The following USH1C variants were observed in gnomAD, a reference collection of about 807,000 sequenced individuals.
USH1C encodes USH1 protein network component harmonin.
In USH1C, 90 loss-of-function variants were observed where a neutral mutation model predicts 119.3. The observed-to-expected ratio is 0.75, with a 90% confidence interval of 0.64 to 0.90. The LOEUF (loss-of-function observed/expected upper bound fraction) is 0.90, where lower values mean the gene tolerates loss of function less well. Ranked by LOEUF, USH1C falls within the 40% of genes least tolerant of loss-of-function variation. USH1C has a pLI of 0.00. For missense variants in USH1C, 1,165 were observed against 1,167.7 expected (o/e 1.00, Z 0.03); for synonymous variants, 465 against 443.3 (o/e 1.05, Z -0.62).
Position 17,510,387 on chromosome 11 carries a change from A to G in USH1C, c.1530+18T>C. The G allele has an allele frequency of 1.2e-6, 2 of 1,601,834 alleles. No individual in the cohort carries two copies. Among genetic ancestry groups the G allele is most frequent in the Non-Finnish European group, 1.7e-6 (2 of 1,170,942 alleles). The stretch of plus-strand genomic sequence containing the variant: ...GAAGACAGCAGGAGGGTCTATGTGG[A>G]AAGAAGGGCTCTGTTACCTCTGAAA... On this transcript the variant is annotated intron_variant, in intron 17 of 26. Transcript: ENST00000005226.
At chr11:17,510,057 A>C (rs1849821644) in intron 17 of USH1C, among the ~76,000 whole-genome samples, 1 of 152,178 alleles carries the variant, frequency 6.6e-6, no homozygotes, top group African/African-American at 2.4e-5. Context: ...AAGAGCCCCA[A>C]GTTATGCCAT....
chr11:17,526,228 A>G (rs897199128), intron 8 of USH1C, 119 bp downstream of exon 8: 3 of 813,064 alleles, frequency 3.7e-6, no homozygotes, highest in African/African-American at 3.4e-5. Context: ...TCACCCATGG[A>G]CAGTCACACC....
intron 7 of USH1C, 117 bp downstream of exon 7, chr11:17,526,636 G>A: frequency 7.9e-7 from 1 of 1,268,674 alleles, no homozygotes; most frequent in Non-Finnish European, 1.1e-6. Context: ...GCTGCCCTGG[G>A]AGCCTGTGTG....
chr11:17,498,138 A>G (rs374294753), intron 24 of USH1C, 24 bp downstream of exon 24: 1 of 1,605,738 alleles, frequency 6.2e-7, no homozygotes, highest in African/African-American at 1.3e-5. Context: ...GAGGGAGGAA[A>G]GGAGGGAGGG....
intron 1 of USH1C, among the ~76,000 whole-genome samples, chr11:17,534,735 G>A (rs1160718569): frequency 1.3e-5 from 2 of 152,108 alleles, no homozygotes; most frequent in African/African-American, 4.8e-5. Context: ...TTAGCTGGGC[G>A]TAGTGGTATG....
At chr11:17,540,784 C>A (rs1295958041) in intron 1 of USH1C, among the ~76,000 whole-genome samples, 1 of 152,184 alleles carries the variant, frequency 6.6e-6, no homozygotes, top group Non-Finnish European at 1.5e-5. Flanking sequence ...TGCCTCTGGC[C>A]TGGGCTCCTG....
At position 17,509,803 on chromosome 11, in the gene USH1C, C is replaced by T. The variant is rs543567711; in HGVS notation, c.1566G>A (p.Val522=). ...GTCTCAAGGGTGGGGCCAGGGGAGA[C>T]ACAGAAGGCGGGGGAGGCGGGGGCC... The part of the protein sequence containing the change: ...TTGPPPPPPS[V]SPLAPPLRRF... The change falls in exon 18 of 27, where the codon GTG becomes GTA. Residue 522 remains valine (V), a synonymous_variant. Transcript: ENST00000005226. The T allele has an allele frequency of 1.9e-6, 3 of 1,585,614 alleles. No homozygotes were observed. The highest frequency in any genetic ancestry group is 2.2e-5 in the South Asian group (2 of 89,056).
intron 12 of USH1C, among the ~76,000 whole-genome samples, chr11:17,521,979 C>A (rs1232974104): frequency 6.6e-6 from 1 of 152,074 alleles, no homozygotes; most frequent in African/African-American, 2.4e-5. Context: ...CAGTCGCATG[C>A]CACTATGCCC....
At chr11:17,523,685 A>G (rs1850529716) in intron 9 of USH1C, among the ~76,000 whole-genome samples, 1 of 152,188 alleles carries the variant, frequency 6.6e-6, no homozygotes, top group Admixed American at 6.5e-5. Flanking sequence ...CCTACTTCAT[A>G]ACTATCTTAT....
chr11:17,523,182 G>A, intron 11 of USH1C, 29 bp downstream of exon 11: 1 of 1,613,976 alleles, frequency 6.2e-7, no homozygotes, highest in Non-Finnish European at 8.5e-7. Flanking sequence ...GAAGGTCAAG[G>A]GGCTCCCACC....
chr11:17,524,603 A>C, intron 8 of USH1C, 68 bp from the exon 9 acceptor site: 2 of 1,521,150 alleles, frequency 1.3e-6, no homozygotes, highest in Non-Finnish European at 1.8e-6. Context: ...GATACAGGTC[A>C]CTCATGAGCT....
intron 20 of USH1C, among the ~76,000 whole-genome samples, 163 bp downstream of exon 20, chr11:17,504,484 C>T (rs1849564103): frequency 6.6e-6 from 1 of 152,204 alleles, no homozygotes; most frequent in Non-Finnish European, 1.5e-5. Context: ...TCCTCCCCCA[C>T]CCCTGCGCAG....
At chr11:17,538,554 G>T (rs990791152) in intron 1 of USH1C, among the ~76,000 whole-genome samples, 1 of 152,200 alleles carries the variant, frequency 6.6e-6, no homozygotes, top group East Asian at 1.9e-4. Context: ...TCTTTGGGCT[G>T]TTGCGGGGAT....
At chr11:17,503,787 A>G (rs12287484) in intron 20 of USH1C, among the ~76,000 whole-genome samples, 4,558 of 152,346 alleles carry the variant, frequency 0.03, 91 homozygotes, top group Middle Eastern at 0.082. Context: ...AGTTTCTCAT[A>G]GATAAAATGG....
Position 17,527,325 on chromosome 11 carries a change from C to A in USH1C, c.394G>T (p.Asp132Tyr), listed in dbSNP as rs751821660. The change falls in exon 5 of 27, where the codon GAC (aspartate) becomes TAC (tyrosine). Residue 132 changes from aspartate (D) to tyrosine (Y), a missense_variant. Asp to Tyr is a radical substitution (Grantham distance 160). Coordinates refer to ENST00000005226, the MANE Select transcript of USH1C (RefSeq NM_153676.4). Reference sequence around the variant, plus strand: ...TATCCATTGATCCGGACGATCTCGTCCCCTACCTTGACCACAGAGAGAGGC... The same window carrying A: ...TATCCATTGATCCGGACGATCTCGTACCCTACCTTGACCACAGAGAGAGGC... ...QADSVGLQVG[D>Y]EIVRINGYSI... The A allele has an allele frequency of 6.2e-7, 1 of 1,610,956 alleles. No homozygotes were observed. Among genetic ancestry groups the A allele is most frequent in the South Asian group, 1.1e-5 (1 of 91,026 alleles).
chr11:17,498,064 C>G (rs1422673719), intron 24 of USH1C, 98 bp downstream of exon 24: 11 of 1,098,408 alleles, frequency 1.0e-5, no homozygotes, highest in Non-Finnish European at 1.4e-5. Context: ...CAGATGCCCA[C>G]CCTGGAATGA....
At chr11:17,513,433 A>G (rs1258655997) in intron 15 of USH1C, among the ~76,000 whole-genome samples, 1 of 152,120 alleles carries the variant, frequency 6.6e-6, no homozygotes, top group Admixed American at 6.5e-5. Flanking sequence ...CTCCCTAGCA[A>G]TGGACACACA....
At chr11:17,540,595 C>G (rs779140937) in intron 1 of USH1C, among the ~76,000 whole-genome samples, 1 of 152,182 alleles carries the variant, frequency 6.6e-6, no homozygotes, top group Non-Finnish European at 1.5e-5. Flanking sequence ...CGAAGTGGAA[C>G]GCTAGGTTTC....
Position 17,531,633 on chromosome 11 carries a change from G to C in USH1C, c.105-91C>G. On this transcript the variant is annotated intron_variant, in intron 2 of 26. Coordinates refer to ENST00000005226, the MANE Select transcript of USH1C (RefSeq NM_153676.4). The surrounding 1 kb of genome is among the most constrained non-coding windows in gnomAD (Gnocchi z 4.2). ...CAAGAGGAAGCCATTTCAGCCACTG[G>C]GCCCAGGCTTAGGAATGGAGTAGAC... 1 of 1,547,852 alleles carries C rather than the reference G, an allele frequency of 6.5e-7. No individual in the cohort carries two copies. The highest frequency in any genetic ancestry group is 1.8e-5 in the Admixed American group (1 of 54,768).
Sources: gnomAD v4.1 joint callset for allele counts (sites outside exome capture counted in the v4.1 genomes callset) on GRCh38, gnomAD v4.1.1 for gene constraint, Gnocchi (gnomAD v3.1) non-coding constraint, MANE v1.5 for transcripts, NCBI Gene and HGNC (gene_info 2026-07-23, HGNC 2026-07-21) for gene names.